HSPG2: variants seen among roughly 807,000 people sequenced by gnomAD.
HSPG2 encodes basement membrane-specific heparan sulfate proteoglycan core protein.
A neutral mutation model predicts 526.6 loss-of-function variants in HSPG2; 278 were observed. The observed-to-expected ratio is 0.53, with a 90% confidence interval of 0.48 to 0.58. The LOEUF (loss-of-function observed/expected upper bound fraction) is 0.58. Among genes scored for constraint, HSPG2 ranks in the 20% least tolerant of loss-of-function variants. The pLI is 0.00. For synonymous variants in HSPG2, 2,465 were observed against 2,555.4 expected, an observed-to-expected ratio of 0.96 and a Z score of 1.07; for missense variants, 5,354 against 6,099.5, an observed-to-expected ratio of 0.88 and a Z score of 4.07.
At chr1:21,855,173 G>C in intron 47 of HSPG2, 131 bp downstream of exon 47, 2 of 1,376,694 alleles carry the variant, frequency 1.5e-6, no homozygotes. Context: ...AGGGGCAGGA[G>C]ACCACCATCT....
chr1:21,831,863 C>A, intron 81 of HSPG2, 67 bp from the exon 82 acceptor site: 1 of 1,512,264 alleles, frequency 6.6e-7, no homozygotes, highest in Non-Finnish European at 8.9e-7. Flanking sequence ...GCTAGGGGCC[C>A]AGTTGGGTAG....
At chr1:21,928,164 A>T (rs1267172543) in intron 1 of HSPG2, among the ~76,000 whole-genome samples, 2 of 152,216 alleles carry the variant, frequency 1.3e-5, no homozygotes, top group African/African-American at 4.8e-5. Flanking sequence ...CTGGGCCAAG[A>T]CTTGAAGGCA....
rs185578169 is a variant in HSPG2 at position 21,852,587 on chromosome 1, G to A, written c.6724+113C>T. The A allele has an allele frequency of 7.6e-4, 1,103 of 1,457,632 alleles. 7 individuals are homozygous for A. The African/African-American group carries it at 0.014, about 19-fold the overall frequency. The allele number at this position is 1,457,632 out of a possible 1,614,324, so 90.3% of individuals were successfully genotyped here. On this transcript the variant is annotated intron_variant, in intron 52 of 96. Transcript: ENST00000374695. ...GAGTCGGCCTGGGCAGGGCCCTGCA[G>A]CCAGCTCCGGTGTGGGCCTTCTGCC...
At chr1:21,840,717 C>T (rs1203168872) in intron 71 of HSPG2, among the ~76,000 whole-genome samples, 1 of 152,114 alleles carries the variant, frequency 6.6e-6, no homozygotes, top group African/African-American at 2.4e-5. Flanking sequence ...GTCTCAAACT[C>T]TTGGGCTCAA....
rs2098002475 is a variant in HSPG2, at chr1:21,831,229, C to T, written c.11548G>A (p.Asp3850Asn). Residue 3850 changes from aspartate (D) to asparagine (N), a missense_variant, in exon 84 of 97, where the codon GAC (aspartate) becomes AAC (asparagine). Transcript: ENST00000374695. ...HGISHCPTCR[D>N]RPCQNGGQCH... ...TGTGGGGTCACCTGGCAGGGCCGGTCCCGACAGGTGGGGCAGTGGGAGATG... is the reference window on the plus strand; with the variant it reads ...TGTGGGGTCACCTGGCAGGGCCGGTTCCGACAGGTGGGGCAGTGGGAGATG... The T allele has an allele frequency of 6.2e-7, 1 of 1,613,914 alleles. No individual in the cohort carries two copies. Among genetic ancestry groups the T allele is most frequent in the Non-Finnish European group, 8.5e-7 (1 of 1,179,920 alleles).
At chr1:21,829,137 C>G in intron 87 of HSPG2, 58 bp from the exon 88 acceptor site, 1 of 1,514,826 alleles carries the variant, frequency 6.6e-7, no homozygotes, top group Non-Finnish European at 8.8e-7. Flanking sequence ...TCCCTGCCCT[C>G]TCCACCACAA....
chr1:21,928,597 C>T (rs1259652263), intron 1 of HSPG2, among the ~76,000 whole-genome samples: 1 of 152,034 alleles, frequency 6.6e-6, no homozygotes, highest in Non-Finnish European at 1.5e-5. Flanking sequence ...TGCACCACCA[C>T]ACCCGGCTAA....
rs1638254690 is a variant in HSPG2, at chr1:21,844,354, C to G, written c.8465-55G>C. 3 of 1,564,392 alleles carry G rather than the reference C, an allele frequency of 1.9e-6. No individual in the cohort carries two copies. The African/African-American group carries it at 4.1e-5, about 21-fold the overall frequency. On this transcript the variant is annotated intron_variant, in intron 64 of 96. Transcript: ENST00000374695. ...GAGATGCCACCCTGATGCCCTCAGC[C>G]CTTCCCCTGGGGCCCAGATACTAGG...
Position 21,850,119 on chromosome 1 carries a change from C to T in HSPG2, c.7368G>A (p.Leu2456=), listed in dbSNP as rs776025268. The change falls in exon 57 of 97, where the codon CTG becomes CTA. Residue 2456 remains leucine, a synonymous_variant. Transcript: ENST00000374695. ...SQVAEGQTLD[L]NCLVAGQAHA... is the part of the protein sequence containing the mutation. ...GGGCCTGACCAGCAACGAGGCAGTT[C>T]AGGTCCAGGGTCTGCCCCTCGGCCA... is the stretch of plus-strand genomic sequence containing the variant. 7.4e-6 allele frequency: 12 copies of T among 1,613,322 alleles called. No homozygotes were observed. The East Asian group carries it at 2.2e-4, about 30-fold the overall frequency.
chr1:21,854,729 G>A lies in HSPG2; in HGVS notation c.6170C>T (p.Ser2057Phe). ...DASPPPVKIE[S>F]SSPSVTEGQT... ...CCCTTCTGTCACAGAAGGCGATGAGGACTCAATCTTGACCGGCGGTGGGCT... is the reference window on the plus strand; with the variant it reads ...CCCTTCTGTCACAGAAGGCGATGAGAACTCAATCTTGACCGGCGGTGGGCT... Residue 2057 changes from serine to phenylalanine, a missense_variant, in exon 49 of 97, where the codon TCC (serine) becomes TTC (phenylalanine). By Grantham distance (155) the Ser-to-Phe change is radical (BLOSUM62 -2). Transcript: ENST00000374695. The A allele has an allele frequency of 6.2e-7, 1 of 1,613,742 alleles. No homozygotes were observed. The highest frequency in any genetic ancestry group is 8.5e-7 in the Non-Finnish European group (1 of 1,179,878).
rs1364643947 is a variant in HSPG2 at position 21,848,572 on chromosome 1, G to A, written c.7737+71C>T. On this transcript the variant is annotated intron_variant, in intron 59 of 96. Transcript: ENST00000374695. This position sits in a 1 kb window ranked among gnomAD's most constrained non-coding sequence, Gnocchi z 4.9. ...CTGAATGAGCACAGAGTGAGGTGCT[G>A]AGAGTCCCCCCTCTTCCCATTGGGG... 9.8e-6 allele frequency: 15 copies of A among 1,531,416 alleles called. No individual in the cohort carries two copies. The highest frequency in any genetic ancestry group is 1.3e-5 in the Non-Finnish European group (14 of 1,107,854). The allele number at this position is 1,531,416 out of a possible 1,614,324, so 94.9% of individuals were successfully genotyped here.
rs1368838439 is a variant in HSPG2 at position 21,846,556 on chromosome 1, T to C, written c.8208A>G (p.Ser2736=). Residue 2736 remains serine (S), a synonymous_variant, in exon 63 of 97, where the codon TCA becomes TCG. Transcript: ENST00000374695. ...CCAGGGTCTCCCCTTCGGCCACGTG[T>C]GAGGAGGATGACTCAATTCTGATGG... is the stretch of plus-strand genomic sequence containing the variant. ...SMPIRIESSS[S]HVAEGETLDL... 1.2e-6 allele frequency: 2 copies of C among 1,613,492 alleles called. No individual in the cohort carries two copies. The highest frequency in any genetic ancestry group is 2.7e-5 in the African/African-American group (2 of 74,904).
At position 21,857,027 on chromosome 1, in the gene HSPG2, G is replaced by C. The variant is rs374190190; in HGVS notation, c.5563C>G (p.Leu1855Val). Residue 1855 changes from leucine (L) to valine (V), a missense_variant, in exon 44 of 97, where the codon CTA becomes GTA. Transcript: ENST00000374695. ...MFAMDQGTAT[L>V]HVQASGTLSA... ...ATGGGAGGTGTACCCTGCACATGTAGAGTGGCTGTGCCCTGGTCCATGGCA... is the reference window on the plus strand; with the variant it reads ...ATGGGAGGTGTACCCTGCACATGTACAGTGGCTGTGCCCTGGTCCATGGCA... 2 of 1,614,172 alleles carry C rather than the reference G, an allele frequency of 1.2e-6. No homozygotes were observed. Among genetic ancestry groups the C allele is most frequent in the East Asian group, 4.5e-5 (2 of 44,890 alleles).
In HSPG2 at chr1:21,887,131, G is replaced by GGGCGGGGCAGGAGGGGAA. The variant is rs1641956127; in HGVS notation, c.1078+83_1078+84insTTCCCCTCCTGCCCCGCC. 6.3e-6 allele frequency: 9 copies of GGGCGGGGCAGGAGGGGAA among 1,430,258 alleles called. No homozygotes were observed. Among genetic ancestry groups the GGGCGGGGCAGGAGGGGAA allele is most frequent in the African/African-American group, 5.9e-5 (4 of 67,614 alleles). 88.6% of individuals were successfully genotyped at this position (1,430,258 alleles called of 1,614,324 possible). A position where few individuals can be genotyped will look rare whatever the true frequency, so the allele number is the denominator to read the frequency against. On this transcript the variant is annotated intron_variant, in intron 9 of 96. Transcript: ENST00000374695. This position sits in a 1 kb window ranked among gnomAD's most constrained non-coding sequence, Gnocchi z 5.0. Reference sequence around the variant, plus strand: ...GGGGGAAAGCGGAGGGGCAGGGTAGGGGCGGGGCAGGAGTGGAAGGCGGGG... The same window carrying GGGCGGGGCAGGAGGGGAA: ...GGGGGAAAGCGGAGGGGCAGGGTAGGGGCGGGGCAGGAGGGGAAGGCGGGGCAGGAGTGGAAGGCGGGG...
rs1642686260 is a variant in HSPG2 at position 21,895,547 on chromosome 1, G to T, written c.244+375C>A. ...CTCTGTTCCACTTGTCTTTGCCTGG[G>T]ATCCCCAGCTCTGTGCCCCCAGGAG... On this transcript the variant is annotated intron_variant, in intron 3 of 96. Coordinates refer to ENST00000374695, the MANE Select transcript of HSPG2 (RefSeq NM_005529.7). The surrounding 1 kb of genome is among the most constrained non-coding windows in gnomAD (Gnocchi z 4.1). 6.6e-6 allele frequency among the ~76,000 whole-genome samples: 1 copy of T among 152,182 alleles called. No individual in the cohort carries two copies. Among genetic ancestry groups the T allele is most frequent in the South Asian group, 2.1e-4 (1 of 4,832 alleles).
At chr1:21,863,963 CTGACCCAGGTGCTT>C in intron 37 of HSPG2, 123 bp downstream of exon 37, 1 of 716,708 alleles carries the variant, frequency 1.4e-6, no homozygotes, top group Non-Finnish European at 2.5e-6. Flanking sequence ...ACCTGGCCTG[CTGACCCAGGTGCTT>C]TGAACCACAG....
intron 50 of HSPG2, 86 bp downstream of exon 50, chr1:21,854,107 G>C: frequency 1.4e-6 from 2 of 1,423,580 alleles, no homozygotes; most frequent in Admixed American, 4.4e-5. Flanking sequence ...ATGCCCCCCT[G>C]TCCTGGTCCC....
At chr1:21,863,060 C>CAAAAA (rs60890297) in intron 37 of HSPG2, among the ~76,000 whole-genome samples, 12 of 31,232 alleles carry the variant, frequency 3.8e-4, no homozygotes, top group African/African-American at 1.6e-3. Context: ...GACTCCATCT[C>CAAAAA]AAAAAAAAAA....
chr1:21,878,997 C>T lies in HSPG2; in HGVS notation c.2468G>A (p.Arg823His), dbSNP rs137871979. The change falls in exon 18 of 97, where the codon CGC (arginine) becomes CAC (histidine). Residue 823 changes from arginine (R) to histidine (H), a missense_variant. Transcript: ENST00000374695. The part of the protein sequence containing the change: ...PCPCPYIDAS[R>H]RFSDTCFLDT... ...CTGACCCGGAGCTGGGGCTGACCTG[C>T]GGGAGGCATCGATGTATGGGCAAGG... is the stretch of plus-strand genomic sequence containing the variant. 56 of 1,613,604 alleles carry T rather than the reference C, an allele frequency of 3.5e-5. No individual in the cohort carries two copies. In the South Asian group the frequency reaches 3.7e-4, roughly 11 times the overall value.
Sources: gnomAD v4.1 joint callset for allele counts (sites outside exome capture counted in the v4.1 genomes callset) on GRCh38, gnomAD v4.1.1 for gene constraint, Gnocchi (gnomAD v3.1) non-coding constraint, MANE v1.5 for transcripts, NCBI Gene and HGNC (gene_info 2026-07-23, HGNC 2026-07-21) for gene names.